Variants in CHODL observed in about 807,000 individuals in gnomAD.
The protein encoded by CHODL is chondrolectin.
In CHODL, 29 loss-of-function variants were observed where a neutral mutation model predicts 34.5. That is an observed-to-expected ratio of 0.84 (90% CI 0.63 to 1.15). The LOEUF is 1.15. Ranked by LOEUF, CHODL falls within the 50% of genes most tolerant of loss-of-function variation. The probability of loss-of-function intolerance (pLI) is 0.00; values close to 1 mark genes in which losing one functional copy is unlikely to be tolerated. For missense variants in CHODL, 332 were observed against 332.5 expected (o/e 1.00, Z 0.01); for synonymous variants, 125 against 116.1 (o/e 1.08, Z -0.49).
chr21:18,224,763 G>T (rs1358122108), intron 2 of CHODL, among the ~76,000 whole-genome samples: 1 of 151,808 alleles, frequency 6.6e-6, no homozygotes, highest in Non-Finnish European at 1.5e-5. Context: ...TGAGAAGGTA[G>T]TAGGGTATAG....
chr21:17,975,200 A>C (rs1012590893), intron 1 of CHODL, among the ~76,000 whole-genome samples: 1 of 152,080 alleles, frequency 6.6e-6, no homozygotes, highest in Non-Finnish European at 1.5e-5. Flanking sequence ...CATTGTCCTA[A>C]GCAAACTAAC....
chr21:18,138,472 T>C (rs1377717542), intron 2 of CHODL, among the ~76,000 whole-genome samples: 2 of 152,050 alleles, frequency 1.3e-5, no homozygotes, highest in African/African-American at 4.8e-5. Flanking sequence ...AATTAAAATG[T>C]GACAGCTTTT....
At chr21:18,072,473 T>C (rs1236334216) in intron 2 of CHODL, among the ~76,000 whole-genome samples, 2 of 152,314 alleles carry the variant, frequency 1.3e-5, no homozygotes, top group Admixed American at 6.5e-5. Flanking sequence ...GCTTCAGATT[T>C]AAGACGGGAA....
chr21:18,175,546 T>TG (rs995861175), intron 2 of CHODL, among the ~76,000 whole-genome samples: 98 of 150,090 alleles, frequency 6.5e-4, no homozygotes, highest in African/African-American at 2.3e-3. Flanking sequence ...TGAGCCGAGA[T>TG]GGCGCCATTG....
intron 2 of CHODL, among the ~76,000 whole-genome samples, chr21:18,114,306 C>T (rs2065386338): frequency 6.6e-6 from 1 of 152,082 alleles, no homozygotes; most frequent in South Asian, 2.1e-4. Context: ...GTTTGTAACT[C>T]AAAGAATAAA....
intron 1 of CHODL, among the ~76,000 whole-genome samples, chr21:17,919,903 G>A (rs2063170944): frequency 1.3e-5 from 2 of 152,110 alleles, no homozygotes; most frequent in African/African-American, 2.4e-5. Flanking sequence ...TCAGAGTCCT[G>A]CAAATCTCTA....
intron 1 of CHODL, among the ~76,000 whole-genome samples, chr21:18,018,074 T>C (rs1215551316): frequency 6.6e-6 from 1 of 152,240 alleles, no homozygotes; most frequent in Non-Finnish European, 1.5e-5. Flanking sequence ...GCAATGTTTA[T>C]GCAGTGCCTG....
intron 2 of CHODL, among the ~76,000 whole-genome samples, chr21:18,057,798 C>T (rs1429099417): frequency 6.6e-6 from 1 of 151,816 alleles, no homozygotes; most frequent in Non-Finnish European, 1.5e-5. Context: ...TTTAGTCTAC[C>T]ATTCAGCACT....
At chr21:18,167,231 G>C (rs1311916874) in intron 2 of CHODL, among the ~76,000 whole-genome samples, 7 of 150,514 alleles carry the variant, frequency 4.7e-5, no homozygotes, top group Non-Finnish European at 1.0e-4. Flanking sequence ...GTGTGTGTGT[G>C]TGTGTGTGTG....
chr21:18,062,618 T>C (rs1397572543), intron 2 of CHODL, among the ~76,000 whole-genome samples: 1 of 151,874 alleles, frequency 6.6e-6, no homozygotes, highest in Non-Finnish European at 1.5e-5. Context: ...ATATAAAAAT[T>C]AGCCCGATGT....
At chr21:17,919,782 G>C (rs1410117342) in intron 1 of CHODL, among the ~76,000 whole-genome samples, 1 of 152,100 alleles carries the variant, frequency 6.6e-6, no homozygotes, top group Non-Finnish European at 1.5e-5. Context: ...AAACTTTTAT[G>C]CTGTTTCCCT....
chr21:18,061,554 ACAAT>A (rs112277583), intron 2 of CHODL, among the ~76,000 whole-genome samples: 69,712 of 151,576 alleles, frequency 0.46, 16,743 homozygotes, highest in Middle Eastern at 0.52. Flanking sequence ...TGTCTCAAAG[ACAAT>A]CAAACTCAAA....
intron 1 of CHODL, among the ~76,000 whole-genome samples, chr21:18,247,823 T>A (rs1247785145): frequency 1.3e-5 from 2 of 152,022 alleles, no homozygotes; most frequent in Admixed American, 1.3e-4. Flanking sequence ...GGAGCTGCAA[T>A]CATTTAATTT....
At chr21:17,947,831 C>A (rs2063423768) in intron 1 of CHODL, among the ~76,000 whole-genome samples, 1 of 152,074 alleles carries the variant, frequency 6.6e-6, no homozygotes, top group Non-Finnish European at 1.5e-5. Context: ...AAAATCATTA[C>A]ATAAAAACCG....
rs560052185 is a variant in CHODL at position 18,218,558 on chromosome 21, C to T, written c.-44-37951C>T. On this transcript the variant is annotated intron_variant, in intron 2 of 6. Coordinates refer to the CHODL transcript ENST00000400127. ...GGTCCCTGACATACCCTGGAGACAT[C>T]CCCATTGTCTTGGTGATTAACATTG... Among the ~76,000 whole-genome samples, 3 of 152,268 alleles carry T rather than the reference C, an allele frequency of 2.0e-5. No homozygotes were observed. In the South Asian group the frequency reaches 6.2e-4, roughly 32 times the overall value.
intron 1 of CHODL, among the ~76,000 whole-genome samples, chr21:17,960,912 C>G (rs546864473): frequency 6.6e-6 from 1 of 152,188 alleles, no homozygotes; most frequent in Non-Finnish European, 1.5e-5. Context: ...TTTGTACTCT[C>G]TGCTGTGTTT....
chr21:18,185,752 G>C (rs1304078183), intron 2 of CHODL, among the ~76,000 whole-genome samples: 1 of 152,176 alleles, frequency 6.6e-6, no homozygotes, highest in Non-Finnish European at 1.5e-5. Context: ...AGGCTGGAAA[G>C]TCCAAGATCA....
intron 2 of CHODL, among the ~76,000 whole-genome samples, chr21:18,182,169 C>T (rs1347352736): frequency 1.3e-5 from 2 of 152,052 alleles, no homozygotes; most frequent in Non-Finnish European, 2.9e-5. Context: ...ACTTTACCCT[C>T]CCATCAGCAA....
At position 18,205,505 on chromosome 21, in the gene CHODL, G is replaced by T. The variant is rs150073762; in HGVS notation, c.-44-51004G>T. Among the ~76,000 whole-genome samples the T allele has an allele frequency of 3.0e-4, 46 of 151,934 alleles. 1 individual carries two copies. The highest frequency in any genetic ancestry group is 1.0e-3 in the African/African-American group (42 of 41,440). ...TTATTTCTTTTCTTCTACTAAGTTTGCATTTGGCTTGCTCTTCTTTTCCTA... is the reference window on the plus strand; with the variant it reads ...TTATTTCTTTTCTTCTACTAAGTTTTCATTTGGCTTGCTCTTCTTTTCCTA... On this transcript the variant is annotated intron_variant, in intron 2 of 6. Coordinates refer to the CHODL transcript ENST00000400127.
Sources: allele counts gnomAD v4.1 joint callset (sites outside exome capture counted in the v4.1 genomes callset), GRCh38; gene constraint gnomAD v4.1.1; transcripts MANE v1.5; gene names NCBI Gene and HGNC (gene_info 2026-07-23, HGNC 2026-07-21).